VPS13A: variants seen among roughly 807,000 people sequenced by gnomAD.
The protein encoded by VPS13A is vacuolar protein sorting 13 homolog A, also known as intermembrane lipid transfer protein VPS13A.
In VPS13A, 264 loss-of-function variants were observed where a neutral mutation model predicts 390.9. That is an observed-to-expected ratio of 0.68 (90% CI 0.61 to 0.75). VPS13A has a LOEUF of 0.75. VPS13A is among the 30% of genes least tolerant of loss of function. The pLI is 0.00. For missense variants in VPS13A, 3,409 were observed against 3,733.9 expected (o/e 0.91, Z 2.27); for synonymous variants, 1,231 against 1,227.1 (o/e 1.00, Z -0.07).
chr9:77,387,700 G>A (rs1371545378), intron 68 of VPS13A, among the ~76,000 whole-genome samples: 1 of 152,082 alleles, frequency 6.6e-6, no homozygotes, highest in Non-Finnish European at 1.5e-5. Context: ...CAGTATTATA[G>A]AAAAGGAAGT....
intron 68 of VPS13A, among the ~76,000 whole-genome samples, chr9:77,395,471 A>G (rs1834083586): frequency 6.6e-6 from 1 of 152,122 alleles, no homozygotes; most frequent in Non-Finnish European, 1.5e-5. Flanking sequence ...AATAATGATA[A>G]AAAAAGTTTG....
intron 20 of VPS13A, 121 bp from the exon 21 acceptor site, chr9:77,249,976 T>C (rs933239668): frequency 9.1e-7 from 1 of 1,094,806 alleles, no homozygotes; most frequent in Admixed American, 2.1e-5. Context: ...AGCCTTATTA[T>C]GTATGCTTAC....
chr9:77,319,713 T>C, intron 42 of VPS13A, 40 bp downstream of exon 42: 1 of 1,075,762 alleles, frequency 9.3e-7, no homozygotes, highest in Non-Finnish European at 1.3e-6. Context: ...TATATATATA[T>C]GTATTTTAAA....
At chr9:77,250,328 T>A in intron 21 of VPS13A, 99 bp downstream of exon 21, 2 of 1,404,340 alleles carry the variant, frequency 1.4e-6, no homozygotes, top group Non-Finnish European at 9.9e-7. Flanking sequence ...TGTTAGAACG[T>A]CTATATTTTT....
intron 14 of VPS13A, 58 bp from the exon 15 acceptor site, chr9:77,226,408 G>A: frequency 6.7e-7 from 1 of 1,489,064 alleles, no homozygotes; most frequent in Non-Finnish European, 9.3e-7. Flanking sequence ...GCTTATATTT[G>A]TTTCAGTTGC....
intron 6 of VPS13A, among the ~76,000 whole-genome samples, chr9:77,210,207 CTT>C (rs2131142996): frequency 8.1e-6 from 1 of 123,034 alleles, no homozygotes; most frequent in Non-Finnish European, 1.6e-5. Context: ...CTTTCTTTCT[CTT>C]CTCCTCTTCT....
intron 45 of VPS13A, among the ~76,000 whole-genome samples, chr9:77,330,461 C>T (rs1382194408): frequency 6.6e-6 from 1 of 152,098 alleles, no homozygotes; most frequent in African/African-American, 2.4e-5. Flanking sequence ...TTTTTCCGCA[C>T]TAAATTTGAA....
At chr9:77,303,198 A>G in intron 34 of VPS13A, 136 bp downstream of exon 34, 1 of 892,162 alleles carries the variant, frequency 1.1e-6, no homozygotes, top group African/African-American at 1.7e-5. Flanking sequence ...ATTATATTAA[A>G]CTAGAATTCA....
At position 77,282,172 on chromosome 9, in the gene VPS13A, A is replaced by G. The variant is rs1435355955; in HGVS notation, c.3016A>G (p.Thr1006Ala). The G allele has an allele frequency of 1.2e-6, 2 of 1,613,606 alleles. No homozygotes were observed. The highest frequency in any genetic ancestry group is 1.7e-6 in the Non-Finnish European group (2 of 1,179,634). ...TTTACACACTGAAGCACTTCTGAAT[A>G]CAATAAATTATCTTCATAATATCCT... is the stretch of plus-strand genomic sequence containing the variant. The part of the protein sequence containing the change: ...IHLHTEALLN[T>A]INYLHNILPQ... Residue 1006 changes from threonine (T) to alanine (A), a missense_variant, in exon 29 of 72, where the codon ACA becomes GCA. Thr to Ala is a moderately conservative substitution (Grantham distance 58, BLOSUM62 0). Transcript: ENST00000360280.
intron 1 of VPS13A, among the ~76,000 whole-genome samples, chr9:77,194,244 G>T (rs1287240004): frequency 6.6e-6 from 1 of 152,094 alleles, no homozygotes; most frequent in Non-Finnish European, 1.5e-5. Context: ...CCTGGGGCTT[G>T]CCAGCAAAGG....
chr9:77,259,760 A>G (rs1348114553), intron 22 of VPS13A, among the ~76,000 whole-genome samples: 4 of 152,180 alleles, frequency 2.6e-5, no homozygotes, highest in African/African-American at 9.6e-5. Flanking sequence ...TGCCTCATAG[A>G]TTGTGAGGAC....
At chr9:77,250,067 ATAGTC>A in intron 20 of VPS13A, 25 bp from the exon 21 acceptor site, 3 of 1,611,670 alleles carry the variant, frequency 1.9e-6, no homozygotes, top group Non-Finnish European at 2.5e-6. Context: ...AGTATTTTGC[ATAGTC>A]TAAACTATTA....
At chr9:77,287,071 TCTAAA>T (rs1827368748) in intron 31 of VPS13A, among the ~76,000 whole-genome samples, 1 of 150,840 alleles carries the variant, frequency 6.6e-6, no homozygotes, top group African/African-American at 2.4e-5. Flanking sequence ...TTCGGTTTAT[TCTAAA>T]CTAATTTACC....
At chr9:77,246,876 G>T (rs1461175225) in intron 19 of VPS13A, among the ~76,000 whole-genome samples, 1 of 152,092 alleles carries the variant, frequency 6.6e-6, no homozygotes, top group Admixed American at 6.5e-5. Flanking sequence ...AAGTGTTATT[G>T]TTCAGTATGG....
intron 1 of VPS13A, among the ~76,000 whole-genome samples, chr9:77,195,488 G>A (rs1167715480): frequency 6.6e-6 from 1 of 152,118 alleles, no homozygotes; most frequent in Admixed American, 6.5e-5. Context: ...TGTAATCCCA[G>A]CGTTCTGGGA....
intron 3 of VPS13A, 26 bp from the exon 4 acceptor site, chr9:77,205,287 T>C (rs113644204): frequency 5.4e-6 from 3 of 560,380 alleles, no homozygotes; most frequent in Non-Finnish European, 5.1e-6. Flanking sequence ...TTTTTTGTCC[T>C]TTTTTTTTTT....
chr9:77,325,812 A>G (rs920456448), intron 45 of VPS13A, among the ~76,000 whole-genome samples: 4 of 152,152 alleles, frequency 2.6e-5, no homozygotes, highest in African/African-American at 9.7e-5. Context: ...TTATGTTCAT[A>G]CATTTTTGTG....
rs376755915 is a variant in VPS13A at position 77,316,294 on chromosome 9, A to C, written c.4751A>C (p.Glu1584Ala). 8 of 1,613,424 alleles carry C rather than the reference A, an allele frequency of 5.0e-6. No individual in the cohort carries two copies. Among genetic ancestry groups the C allele is most frequent in the Middle Eastern group, 3.3e-4 (2 of 6,058 alleles). ...GCTTTAGTCATTACAACACAATGTG[A>C]AATTTGCTATAAAGGTAACCTTGAA... ...APALVITTQC[E>A]ICYKGNLENS... Residue 1584 changes from glutamate (E) to alanine (A), a missense_variant, in exon 39 of 72, where the codon GAA (glutamate) becomes GCA (alanine). This residue lies in a region of VPS13A where 2,717 missense variants were observed against 2,917.4 expected (regional missense o/e 0.93). Coordinates refer to ENST00000360280, the MANE Select transcript of VPS13A (RefSeq NM_033305.3).
Position 77,263,430 on chromosome 9 carries a change from C to T in VPS13A, c.2427+3206C>T, listed in dbSNP as rs970126211. ...CCCCTTTTCCCAACTTTTTAATGAC[C>T]GACATTCTAACTGGCATGAGATGGT... is the stretch of plus-strand genomic sequence containing the variant. On this transcript the variant is annotated intron_variant, in intron 23 of 71. Transcript: ENST00000360280. 5.9e-5 allele frequency among the ~76,000 whole-genome samples: 9 copies of T among 151,978 alleles called. No homozygotes were observed. In the South Asian group the frequency reaches 1.2e-3, roughly 21 times the overall value.
Sources: gnomAD v4.1 joint callset for allele counts (sites outside exome capture counted in the v4.1 genomes callset) on GRCh38, gnomAD v4.1.1 for gene constraint, gnomAD v4.1.1 regional missense constraint, MANE v1.5 for transcripts, NCBI Gene and HGNC (gene_info 2026-07-23, HGNC 2026-07-21) for gene names.